THRAP3: variants seen among roughly 807,000 people sequenced by gnomAD.
The protein encoded by THRAP3 is thyroid hormone receptor-associated protein 3.
THRAP3 carries 16 observed loss-of-function variants against 101.0 expected under a neutral mutation model. That is an observed-to-expected ratio of 0.16 (90% CI 0.11 to 0.24). The LOEUF (loss-of-function observed/expected upper bound fraction) is 0.24, where lower values mean the gene tolerates loss of function less well. THRAP3 is among the 10% of genes least tolerant of loss of function. The pLI, the probability that THRAP3 is intolerant of heterozygous loss-of-function variation, is 1.00. For synonymous variants in THRAP3, 407 were observed against 422.6 expected (o/e 0.96, Z 0.45); for missense variants, 989 against 1,202.7 (o/e 0.82, Z 2.63).
intron 2 of THRAP3, among the ~76,000 whole-genome samples, chr1:36,261,946 C>CA (rs1258182253): frequency 6.6e-6 from 1 of 152,006 alleles, no homozygotes; most frequent in African/African-American, 2.4e-5. Context: ...GTATAAATGA[C>CA]AAATCTAAAA....
At chr1:36,220,513 A>G (rs1285991506), upstream of THRAP3, among the ~76,000 whole-genome samples, 1 of 151,398 alleles carries the variant, frequency 6.6e-6, no homozygotes, top group African/African-American at 2.4e-5. Flanking sequence ...GATACAATCA[A>G]CTCTTGTTGT....
At chr1:36,290,888 CTA>C (rs1218744993) in intron 5 of THRAP3, among the ~76,000 whole-genome samples, 2 of 152,330 alleles carry the variant, frequency 1.3e-5, no homozygotes, top group African/African-American at 4.8e-5. Flanking sequence ...AGCTGGAAGT[CTA>C]TGTGAACAGC....
In THRAP3 at chr1:36,259,367, T is replaced by C. The variant is rs1363445511; in HGVS notation, c.-134-15T>C. 7.5e-6 allele frequency: 3 copies of C among 398,452 alleles called. No individual in the cohort carries two copies. The highest frequency in any genetic ancestry group is 1.3e-5 in the Non-Finnish European group (3 of 226,058). 24.7% of individuals were successfully genotyped at this position (398,452 alleles called of 1,614,324 possible). ...GGGTAGCCATTTTATCACTACTTAT[T>C]TTCTCTCATTTCAGAAGTGTATGCT... On this transcript the variant is annotated splice_polypyrimidine_tract_variant and intron_variant, in intron 1 of 11. Coordinates refer to ENST00000354618, the MANE Select transcript of THRAP3 (RefSeq NM_005119.4).
chr1:36,231,946 G>A (rs1645032819), intron 1 of THRAP3, among the ~76,000 whole-genome samples: 1 of 152,196 alleles, frequency 6.6e-6, no homozygotes, highest in South Asian at 2.1e-4. Context: ...TGGGTGTGGT[G>A]TGGTTCACGC....
intron 1 of THRAP3, among the ~76,000 whole-genome samples, chr1:36,242,913 T>C (rs1157112008): frequency 6.6e-6 from 1 of 152,214 alleles, no homozygotes; most frequent in Non-Finnish European, 1.5e-5. Flanking sequence ...GTTAGTGTTT[T>C]TTTTTAATTG....
chr1:36,289,194 C>A lies in THRAP3; in HGVS notation c.1175C>A (p.Ser392Tyr), dbSNP rs1283652502. ...GLGDGKMKSD[S>Y]FAPKTDSEKP... ...GGTGATGGAAAAATGAAATCTGATT[C>A]TTTTGCTCCCAAAACTGATTCTGAG... The change falls in exon 5 of 12, where the codon TCT (serine) becomes TAT (tyrosine). Residue 392 changes from serine (S) to tyrosine (Y), a missense_variant. Transcript: ENST00000354618. The A allele has an allele frequency of 1.2e-6, 2 of 1,614,128 alleles. No homozygotes were observed. Among genetic ancestry groups the A allele is most frequent in the South Asian group, 1.1e-5 (1 of 91,078 alleles).
chr1:36,294,928 A>G (rs893817842), intron 8 of THRAP3, among the ~76,000 whole-genome samples: 18 of 152,208 alleles, frequency 1.2e-4, no homozygotes, highest in African/African-American at 3.6e-4. Flanking sequence ...AAATTAAGTG[A>G]TAAAACAATA....
the THRAP3 span, among the ~76,000 whole-genome samples, chr1:36,214,002 GAAAGAAAGAAAGAAAGAAA>G: frequency 8.7e-4 from 28 of 32,350 alleles, no homozygotes; most frequent in South Asian, 3.8e-3. Context: ...AGAAAGGAAA[GAAAGAAAGAAAGAAAGAAA>G]GAAAGAAAGA....
chr1:36,280,666 T>C (rs987481911), intron 2 of THRAP3, among the ~76,000 whole-genome samples: 9 of 152,240 alleles, frequency 5.9e-5, no homozygotes, highest in African/African-American at 2.2e-4. Flanking sequence ...TGGCTATTAA[T>C]TAGCTTTGTG....
rs140895534 is a variant in THRAP3, at chr1:36,242,650, C to G, written c.-134-16732C>G. ...TGTATTTTTAGTAGAGACGGGGTTT[C>G]ACTGTGTTAGCCAGGATGGTCTGGA... On this transcript the variant is annotated intron_variant, in intron 1 of 11. Coordinates refer to ENST00000354618, the MANE Select transcript of THRAP3 (RefSeq NM_005119.4). 4.6e-3 allele frequency among the ~76,000 whole-genome samples: 700 copies of G among 152,102 alleles called. 4 individuals are homozygous for G. The highest frequency in any genetic ancestry group is 0.016 in the African/African-American group (646 of 41,514).
At chr1:36,216,032 A>G in the THRAP3 span, among the ~76,000 whole-genome samples, 1 of 152,022 alleles carries the variant, frequency 6.6e-6, no homozygotes, top group Non-Finnish European at 1.5e-5. Context: ...TACAGGCATA[A>G]GCCACAGCGC....
chr1:36,302,976 A>G (rs1488565293), intron 11 of THRAP3, among the ~76,000 whole-genome samples: 1 of 152,112 alleles, frequency 6.6e-6, no homozygotes, highest in African/African-American at 2.4e-5. Flanking sequence ...CAGCCCCAAC[A>G]TTGGATTCTG....
rs571761760 is a variant in THRAP3, at chr1:36,259,494, T to G, written c.-32+10T>G. ...TCATTGTTCAAATAAGGTAAAAGCA[T>G]GGTGGTAAAAGAAACTAATAACTTC... On this transcript the variant is annotated intron_variant, in intron 2 of 11. Coordinates refer to ENST00000354618, the MANE Select transcript of THRAP3 (RefSeq NM_005119.4). 2.5e-6 allele frequency: 1 copy of G among 398,548 alleles called. No homozygotes were observed. Among genetic ancestry groups the G allele is most frequent in the South Asian group, 1.3e-4 (1 of 7,858 alleles). 24.7% of individuals were successfully genotyped at this position (398,548 alleles called of 1,614,324 possible). A position where few individuals can be genotyped will look rare whatever the true frequency, so the allele number is the denominator to read the frequency against.
rs1553124853 is a variant in THRAP3 at position 36,292,260 on chromosome 1, G to GTTTT, written c.1919-335_1919-334insTTTT. On this transcript the variant is annotated intron_variant, in intron 6 of 11. Transcript: ENST00000354618. The stretch of plus-strand genomic sequence containing the variant: ...CTTTGGTAACATAATGTGTTTCTTT[G>GTTTT]TTTCTTTTTTTTTTTTTTTTTTTTT... Among the ~76,000 whole-genome samples, 17 of 13,094 alleles carry GTTTT rather than the reference G, an allele frequency of 1.3e-3. 1 individual carries two copies. The highest frequency in any genetic ancestry group is 2.2e-3 in the Non-Finnish European group (12 of 5,364). The allele number at this position is 13,094 out of a possible 152,430, so 8.6% of individuals were successfully genotyped here. A position where few individuals can be genotyped will look rare whatever the true frequency, so the allele number is the denominator to read the frequency against.
rs192345847 is a variant in THRAP3 at position 36,229,585 on chromosome 1, T to C, written c.-135+5080T>C. On this transcript the variant is annotated intron_variant, in intron 1 of 11. Transcript: ENST00000354618. ...ATTCATTTTCTAATGTTTTCTTTCTTTGAATTTTGTTTACAGTACATATTT... is the reference window on the plus strand; with the variant it reads ...ATTCATTTTCTAATGTTTTCTTTCTCTGAATTTTGTTTACAGTACATATTT... Among the ~76,000 whole-genome samples the C allele has an allele frequency of 2.2e-3, 334 of 152,278 alleles. 1 individual carries two copies. Among genetic ancestry groups the C allele is most frequent in the Non-Finnish European group, 3.2e-3 (215 of 68,018 alleles).
chr1:36,225,965 T>A (rs1276132904), intron 1 of THRAP3, among the ~76,000 whole-genome samples: 1 of 152,222 alleles, frequency 6.6e-6, no homozygotes, highest in Non-Finnish European at 1.5e-5. Context: ...TTTTTAAACG[T>A]TTTAACACCA....
intron 5 of THRAP3, among the ~76,000 whole-genome samples, chr1:36,291,100 T>C (rs1334209936): frequency 6.6e-6 from 1 of 152,210 alleles, no homozygotes; most frequent in African/African-American, 2.4e-5. Flanking sequence ...AGTTTATCTT[T>C]TAAAATACTT....
intron 9 of THRAP3, among the ~76,000 whole-genome samples, chr1:36,298,219 C>T (rs1462893513): frequency 6.6e-6 from 1 of 151,636 alleles, no homozygotes; most frequent in Non-Finnish European, 1.5e-5. Context: ...ACTTTGTCTC[C>T]CATTCCAATG....
chr1:36,297,638 T>C (rs116136245), intron 9 of THRAP3, among the ~76,000 whole-genome samples: 12,672 of 150,992 alleles, frequency 0.084, 734 homozygotes, highest in Middle Eastern at 0.23. Context: ...AGAGATGGAG[T>C]TTCACCATGT....
Sources: gnomAD v4.1 joint callset for allele counts (sites outside exome capture counted in the v4.1 genomes callset) on GRCh38, gnomAD v4.1.1 for gene constraint, MANE v1.5 for transcripts, NCBI Gene and HGNC (gene_info 2026-07-23, HGNC 2026-07-21) for gene names.